TRPM3: variants seen among roughly 807,000 people sequenced by gnomAD.
TRPM3 encodes long transient receptor potential channel 3.
In TRPM3, 77 loss-of-function variants were observed where a neutral mutation model predicts 181.2. That is an observed-to-expected ratio of 0.42 (90% CI 0.35 to 0.51). The LOEUF (loss-of-function observed/expected upper bound fraction) is 0.51. Ranked by LOEUF, TRPM3 falls within the 20% of genes least tolerant of loss-of-function variation. TRPM3 has a pLI of 0.01. For missense variants in TRPM3, 1,759 were observed against 2,196.7 expected, an observed-to-expected ratio of 0.80 and a Z score of 3.98; for synonymous variants, 745 against 796.4, an observed-to-expected ratio of 0.94 and a Z score of 1.09.
chr9:71,177,305 T>C (rs1439642240), intron 1 of TRPM3, among the ~76,000 whole-genome samples: 4 of 152,076 alleles, frequency 2.6e-5, no homozygotes, highest in Non-Finnish European at 5.9e-5. Context: ...AATGATAATA[T>C]AAAGTGCACA....
At chr9:70,834,406 A>C (rs2094162391) in intron 5 of TRPM3, among the ~76,000 whole-genome samples, 1 of 152,178 alleles carries the variant, frequency 6.6e-6, no homozygotes, top group African/African-American at 2.4e-5. Context: ...CAGTGGGAAA[A>C]GGCTGTTGAG....
chr9:71,402,110 A>C (rs2093351597), intron 1 of TRPM3, among the ~76,000 whole-genome samples: 1 of 152,168 alleles, frequency 6.6e-6, no homozygotes, highest in African/African-American at 2.4e-5. Flanking sequence ...TCAATTACTC[A>C]TCGCAAATTA....
chr9:71,085,901 G>A (rs2065178427), intron 1 of TRPM3, among the ~76,000 whole-genome samples: 1 of 152,060 alleles, frequency 6.6e-6, no homozygotes. Context: ...GCACTTGCAT[G>A]TTCATTGCAG....
chr9:70,993,240 C>T (rs1011656377), intron 1 of TRPM3, among the ~76,000 whole-genome samples: 2 of 152,056 alleles, frequency 1.3e-5, no homozygotes, highest in African/African-American at 2.4e-5. Flanking sequence ...ATGCTGATGG[C>T]TGAATGAAGA....
At chr9:71,028,794 C>A (rs2056919918) in intron 1 of TRPM3, among the ~76,000 whole-genome samples, 1 of 152,126 alleles carries the variant, frequency 6.6e-6, no homozygotes, top group South Asian at 2.1e-4. Context: ...CATGAGCACC[C>A]AGATTCATAA....
At chr9:70,998,878 T>G (rs909333849) in intron 1 of TRPM3, among the ~76,000 whole-genome samples, 1 of 152,208 alleles carries the variant, frequency 6.6e-6, no homozygotes, top group Admixed American at 6.5e-5. Context: ...ACTTTTACTT[T>G]CTCCTCTCTT....
intron 1 of TRPM3, among the ~76,000 whole-genome samples, chr9:71,377,261 T>C (rs139034200): frequency 6.6e-6 from 1 of 152,086 alleles, no homozygotes; most frequent in African/African-American, 2.4e-5. Context: ...AAATCTAGAA[T>C]ATATGGACTT....
intron 3 of TRPM3, among the ~76,000 whole-genome samples, chr9:70,851,076 T>C (rs759351003): frequency 6.6e-6 from 1 of 152,158 alleles, no homozygotes; most frequent in African/African-American, 2.4e-5. Flanking sequence ...AAATTCTCCA[T>C]GTAGATCTGC....
intron 3 of TRPM3, among the ~76,000 whole-genome samples, chr9:70,856,396 C>CTATT (rs2095389389): frequency 6.6e-6 from 1 of 152,178 alleles, no homozygotes; most frequent in African/African-American, 2.4e-5. Context: ...TAGCCACAGC[C>CTATT]TATTGATCAG....
intron 1 of TRPM3, among the ~76,000 whole-genome samples, chr9:71,266,622 G>A (rs2083411319): frequency 6.6e-6 from 1 of 152,082 alleles, no homozygotes; most frequent in South Asian, 2.1e-4. Context: ...ATTGTGGTAA[G>A]AATACTGAAC....
At chr9:70,694,330 A>T (rs2069533493) in intron 8 of TRPM3, among the ~76,000 whole-genome samples, 1 of 152,154 alleles carries the variant, frequency 6.6e-6, no homozygotes, top group Non-Finnish European at 1.5e-5. Context: ...GAGATCTTTT[A>T]AGCTCTAGAA....
rs574564701 is a variant in TRPM3 at position 71,172,552 on chromosome 9, G to A, written c.183+274101C>T. Reference sequence around the variant, plus strand: ...CTCTCGAGTAACTGGCACCACAAGCGAGTACCACCATGCCTGGCTAACTTT... The same window carrying A: ...CTCTCGAGTAACTGGCACCACAAGCAAGTACCACCATGCCTGGCTAACTTT... On this transcript the variant is annotated intron_variant, in intron 1 of 24. Transcript: ENST00000357533. 3.5e-3 allele frequency among the ~76,000 whole-genome samples: 526 copies of A among 152,120 alleles called. 5 individuals are homozygous for A. The highest frequency in any genetic ancestry group is 3.4e-3 in the Middle Eastern group (1 of 294).
At position 70,879,171 on chromosome 9, in the gene TRPM3, T is replaced by C. The variant is rs138738720; in HGVS notation, c.178-14660A>G. On this transcript the variant is annotated intron_variant, in intron 1 of 25. Transcript: ENST00000677713. ...AGCTGGAAGGCAAAATACAGGGACATAGAATAACTTCAGTGACACAGAGAA... is the reference window on the plus strand; with the variant it reads ...AGCTGGAAGGCAAAATACAGGGACACAGAATAACTTCAGTGACACAGAGAA... Among the ~76,000 whole-genome samples, 258 of 152,140 alleles carry C rather than the reference T, an allele frequency of 1.7e-3. 3 individuals are homozygous for C. Among genetic ancestry groups the C allele is most frequent in the Non-Finnish European group, 1.1e-3 (78 of 67,994 alleles).
chr9:70,631,106 A>G (rs2065759504), intron 12 of TRPM3, among the ~76,000 whole-genome samples: 1 of 152,194 alleles, frequency 6.6e-6, no homozygotes, highest in Non-Finnish European at 1.5e-5. Context: ...AGTGTGAAGA[A>G]AAGACTCCCC....
chr9:71,150,423 C>A (rs1293711359), intron 1 of TRPM3, among the ~76,000 whole-genome samples: 1 of 152,010 alleles, frequency 6.6e-6, no homozygotes, highest in Non-Finnish European at 1.5e-5. Flanking sequence ...TAAGTGATTC[C>A]TCCTCACACT....
chr9:71,338,991 T>C (rs1272867253), intron 1 of TRPM3, among the ~76,000 whole-genome samples: 1 of 152,016 alleles, frequency 6.6e-6, no homozygotes, highest in Non-Finnish European at 1.5e-5. Flanking sequence ...AGAGAACCAA[T>C]GGTTAAAATG....
At chr9:71,032,791 T>C (rs150960067) in intron 1 of TRPM3, among the ~76,000 whole-genome samples, 70 of 152,336 alleles carry the variant, frequency 4.6e-4, no homozygotes, top group African/African-American at 1.6e-3. Flanking sequence ...CAACAAATAT[T>C]CATTAACTGA....
Position 70,678,164 on chromosome 9 carries a change from A to G in TRPM3, c.1345+3342T>C, listed in dbSNP as rs74667772. On this transcript the variant is annotated intron_variant, in intron 9 of 25. Transcript: ENST00000677713. The stretch of plus-strand genomic sequence containing the variant: ...GGAGTGGTCCCATCATGTGAAAGAC[A>G]AATGTGACATTGCCCATTCTTAAAA... Among the ~76,000 whole-genome samples, 421 of 152,288 alleles carry G rather than the reference A, an allele frequency of 2.8e-3. 3 individuals are homozygous for G. Among genetic ancestry groups the G allele is most frequent in the African/African-American group, 9.8e-3 (406 of 41,568 alleles).
intron 1 of TRPM3, among the ~76,000 whole-genome samples, chr9:70,989,216 G>A (rs1343909697): frequency 2.0e-5 from 3 of 152,072 alleles, no homozygotes; most frequent in Non-Finnish European, 2.9e-5. Flanking sequence ...AATTCCTCCT[G>A]TTGTCTTTTT....
Sources: allele counts gnomAD v4.1 joint callset (sites outside exome capture counted in the v4.1 genomes callset), GRCh38; gene constraint gnomAD v4.1.1; transcripts MANE v1.5; gene names NCBI Gene and HGNC (gene_info 2026-07-23, HGNC 2026-07-21).